KANSL1L: variants seen among roughly 807,000 people sequenced by gnomAD.
KANSL1L encodes KAT8 regulatory NSL complex subunit 1 like, also known as KAT8 regulatory NSL complex subunit 1-like protein.
A neutral mutation model predicts 108.6 loss-of-function variants in KANSL1L; 25 were observed. The ratio of observed to expected loss-of-function variants is 0.23; its 90% CI spans 0.17 to 0.32. The LOEUF (loss-of-function observed/expected upper bound fraction) is 0.32, where lower values mean the gene tolerates loss of function less well. KANSL1L is among the 10% of genes least tolerant of loss of function. KANSL1L has a pLI of 1.00. For missense variants in KANSL1L, 1,137 were observed against 1,125.7 expected (o/e 1.01, Z -0.14); for synonymous variants, 405 against 395.1 (o/e 1.03, Z -0.30).
At chr2:210,074,263 C>G (rs750711347) in intron 6 of KANSL1L, among the ~76,000 whole-genome samples, 6 of 152,148 alleles carry the variant, frequency 3.9e-5, no homozygotes, top group Non-Finnish European at 8.8e-5. Flanking sequence ...TTCACCATAA[C>G]CTTCAAAACT....
chr2:210,095,138 T>G (rs1037531492), intron 5 of KANSL1L, among the ~76,000 whole-genome samples: 1 of 152,056 alleles, frequency 6.6e-6, no homozygotes, highest in Non-Finnish European at 1.5e-5. Context: ...TGTAATAAGA[T>G]CCCTCCATAA....
intron 6 of KANSL1L, among the ~76,000 whole-genome samples, chr2:210,058,154 AAG>A (rs1333164440): frequency 6.6e-6 from 1 of 152,182 alleles, no homozygotes; most frequent in African/African-American, 2.4e-5. Context: ...ATCCCTGAGA[AAG>A]AGAATGCGTC....
intron 3 of KANSL1L, among the ~76,000 whole-genome samples, chr2:210,122,873 T>C (rs767031091): frequency 6.0e-5 from 9 of 151,186 alleles, no homozygotes; most frequent in Non-Finnish European, 1.2e-4. Flanking sequence ...GATTGAAAAA[T>C]AGGGAAAACA....
upstream of KANSL1L, chr2:210,171,871 T>C (rs1688362028): frequency 6.6e-6 from 1 of 152,002 alleles, no homozygotes. Flanking sequence ...AGTCCGCAAG[T>C]CTCCGTGCGT....
chr2:210,061,797 A>C lies in KANSL1L; in HGVS notation c.1755+13755T>G, dbSNP rs10210462. Among the ~76,000 whole-genome samples, 1,273 of 152,332 alleles carry C rather than the reference A, an allele frequency of 8.4e-3. 19 individuals are homozygous for C. Among genetic ancestry groups the C allele is most frequent in the African/African-American group, 0.029 (1,218 of 41,576 alleles). On this transcript the variant is annotated intron_variant, in intron 6 of 14. Transcript: ENST00000281772. ...AGCCTTAGAAACTACGTGAAGTTTT[A>C]ACAATTGTTTATATGGGCTAGTCAT... is the stretch of plus-strand genomic sequence containing the variant.
At chr2:210,171,771 G>T (rs1465482089), upstream of KANSL1L, 2 of 152,000 alleles carry the variant, frequency 1.3e-5, no homozygotes, top group African/African-American at 4.8e-5. Flanking sequence ...ATTCCCTGCC[G>T]TCCGCGCCGG....
chr2:210,079,960 C>T (rs1451645541), intron 5 of KANSL1L: 1 of 150,912 alleles, frequency 6.6e-6, no homozygotes, highest in African/African-American at 2.4e-5. Context: ...AGGCTTATAC[C>T]TTTCTATATT....
Position 210,129,128 on chromosome 2 carries a change from A to G in KANSL1L, c.1133T>C (p.Val378Ala), listed in dbSNP as rs770610860. ...EWKWLVDRAR[V>A]GSRWTWLQAQ... ...TTGAAGCCAAGTCCATCGGCTGCCAACTCGTGCTCTGTCTACAAGCCACTT... is the reference window on the plus strand; with the variant it reads ...TTGAAGCCAAGTCCATCGGCTGCCAGCTCGTGCTCTGTCTACAAGCCACTT... The change falls in exon 3 of 15, where the codon GTT (valine) becomes GCT (alanine). Residue 378 changes from valine (V) to alanine (A), a missense_variant. Val to Ala is a moderately conservative substitution (Grantham distance 64). Around this residue, in one of 3 missense-constraint regions of KANSL1L, gnomAD observed 556 missense variants for 537.7 expected, o/e 1.03. Coordinates refer to ENST00000281772, the MANE Select transcript of KANSL1L (RefSeq NM_152519.4). 7.4e-6 allele frequency: 12 copies of G among 1,613,826 alleles called. No homozygotes were observed. The highest frequency in any genetic ancestry group is 1.6e-4 in the Middle Eastern group (1 of 6,062).
intron 8 of KANSL1L, among the ~76,000 whole-genome samples, chr2:210,034,067 T>C (rs2094065188): frequency 6.6e-6 from 1 of 152,146 alleles, no homozygotes; most frequent in Non-Finnish European, 1.5e-5. Context: ...TTCATAGCAT[T>C]TCTCATATAT....
At chr2:210,033,108 G>A (rs1346322305) in intron 8 of KANSL1L, among the ~76,000 whole-genome samples, 1 of 152,194 alleles carries the variant, frequency 6.6e-6, no homozygotes, top group East Asian at 1.9e-4. Flanking sequence ...CCGCAATGGG[G>A]TAACAAGATG....
At chr2:210,037,883 T>G (rs1220691854) in intron 8 of KANSL1L, among the ~76,000 whole-genome samples, 2 of 152,180 alleles carry the variant, frequency 1.3e-5, no homozygotes, top group Non-Finnish European at 2.9e-5. Flanking sequence ...TTTCAAAAAT[T>G]ATATGTGTGT....
chr2:210,141,826 A>G (rs921055315), intron 2 of KANSL1L, among the ~76,000 whole-genome samples: 2 of 152,034 alleles, frequency 1.3e-5, no homozygotes, highest in African/African-American at 4.8e-5. Flanking sequence ...TTTGTCCTTC[A>G]TTCTGTTAAT....
rs1244310155 is a variant in KANSL1L, at chr2:210,114,278, CAAAAAACAAACAAA to C, written c.1231-9991_1231-9978del. 6.6e-5 allele frequency among the ~76,000 whole-genome samples: 10 copies of C among 151,892 alleles called. 1 individual carries two copies. In the East Asian group the frequency reaches 1.7e-3, roughly 26 times the overall value. The stretch of plus-strand genomic sequence containing the variant: ...GGCAGTTAGGTCAACATATTCAAAG[CAAAAAACAAACAAA>C]AGAAAACAAGACAAAATAACAACAA... On this transcript the variant is annotated intron_variant, in intron 3 of 14. Transcript: ENST00000281772.
In KANSL1L at chr2:210,075,673, C is replaced by A; in HGVS notation, c.1634G>T (p.Arg545Met). ...QKHSKKKRKD[R>M]TRLKSSSLTF... ...CAAGGATGAAGATTTCAGTCTTGTC[C>A]TGTCTTTTCTCTTTTTCTTACTGTG... The change falls in exon 6 of 15, where the codon AGG becomes ATG. Residue 545 changes from arginine (R) to methionine (M), a missense_variant. By Grantham distance (91) the Arg-to-Met change is moderately conservative. Around this residue, in one of 3 missense-constraint regions of KANSL1L, gnomAD observed 575 missense variants for 567.1 expected, o/e 1.01. Coordinates refer to ENST00000281772, the MANE Select transcript of KANSL1L (RefSeq NM_152519.4). The A allele has an allele frequency of 6.2e-7, 1 of 1,613,714 alleles. No individual in the cohort carries two copies. Among genetic ancestry groups the A allele is most frequent in the Non-Finnish European group, 8.5e-7 (1 of 1,179,694 alleles).
At chr2:210,073,093 A>G (rs1046794933) in intron 6 of KANSL1L, among the ~76,000 whole-genome samples, 1 of 152,118 alleles carries the variant, frequency 6.6e-6, no homozygotes, top group Non-Finnish European at 1.5e-5. Context: ...TTTGGCCACT[A>G]GGGGCCTCTT....
At position 210,022,851 on chromosome 2, in the gene KANSL1L, A is replaced by C; in HGVS notation, c.*98T>G. ...CAGCATAAAAGATTAATACATGCAG[A>C]ACATGCTCTTATTCTGGAGGGGATG... On this transcript the variant is annotated 3_prime_UTR_variant, in exon 15 of 15. Coordinates refer to ENST00000281772, the MANE Select transcript of KANSL1L (RefSeq NM_152519.4). 1.2e-6 allele frequency: 1 copy of C among 800,490 alleles called. No individual in the cohort carries two copies. Among genetic ancestry groups the C allele is most frequent in the Non-Finnish European group, 2.1e-6 (1 of 487,284 alleles). 49.6% of individuals were successfully genotyped at this position (800,490 alleles called of 1,614,324 possible).
Position 210,165,446 on chromosome 2 carries a change from AAG to A in KANSL1L, c.-30+5701_-30+5702del, listed in dbSNP as rs1306145704. Among the ~76,000 whole-genome samples the A allele has an allele frequency of 9.2e-5, 14 of 152,210 alleles. No individual in the cohort carries two copies. In the East Asian group the frequency reaches 2.3e-3, roughly 25 times the overall value. Reference sequence around the variant, plus strand: ...ATAATAAACATTTTTTAAAACTAGAAAGAATCAATTTTTTTGTTTTTGGTTAT... The same window carrying A: ...ATAATAAACATTTTTTAAAACTAGAAAATCAATTTTTTTGTTTTTGGTTAT... On this transcript the variant is annotated intron_variant, in intron 1 of 14. Coordinates refer to ENST00000281772, the MANE Select transcript of KANSL1L (RefSeq NM_152519.4).
chr2:210,100,168 C>T (rs999355003), intron 4 of KANSL1L, among the ~76,000 whole-genome samples: 2 of 152,020 alleles, frequency 1.3e-5, no homozygotes, highest in African/African-American at 4.8e-5. Flanking sequence ...CATAGCAGCG[C>T]GAACCATACT....
chr2:210,040,600 T>A, intron 7 of KANSL1L, 73 bp from the exon 8 acceptor site: 1 of 635,788 alleles, frequency 1.6e-6, no homozygotes, highest in Non-Finnish European at 2.6e-6. Flanking sequence ...ATTGTAACAT[T>A]AAAATTGCTT....
Sources: gnomAD v4.1 joint callset for allele counts (sites outside exome capture counted in the v4.1 genomes callset) on GRCh38, gnomAD v4.1.1 for gene constraint, gnomAD v4.1.1 regional missense constraint, MANE v1.5 for transcripts, NCBI Gene and HGNC (gene_info 2026-07-23, HGNC 2026-07-21) for gene names.